The following RANBP2 variants were observed in gnomAD, a reference collection of about 807,000 sequenced individuals.
The protein encoded by RANBP2 is E3 SUMO-protein ligase RanBP2.
In RANBP2, 57 loss-of-function variants were observed where a neutral mutation model predicts 303.6. The ratio of observed to expected loss-of-function variants is 0.19; its 90% CI spans 0.15 to 0.23. The LOEUF (loss-of-function observed/expected upper bound fraction) is 0.23. Ranked by LOEUF, RANBP2 falls within the 10% of genes least tolerant of loss-of-function variation. RANBP2 has a pLI of 1.00. For missense variants in RANBP2, 3,138 were observed against 3,780.8 expected (o/e 0.83, Z 4.46); for synonymous variants, 1,167 against 1,301.5 (o/e 0.90, Z 2.23).
chr2:109,264,048 C>T, the RANBP2 span, among the ~76,000 whole-genome samples: 4 of 152,226 alleles, frequency 2.6e-5, no homozygotes, highest in African/African-American at 7.2e-5. Context: ...GTTTGCAAAA[C>T]CATCTGGGCT....
the RANBP2 span, among the ~76,000 whole-genome samples, chr2:109,295,655 AG>A: frequency 6.6e-6 from 1 of 152,154 alleles, no homozygotes; most frequent in Non-Finnish European, 1.5e-5. Flanking sequence ...CCCACAGGAC[AG>A]GGGCCTGCTG....
At chr2:109,705,335 A>G in the RANBP2 span, among the ~76,000 whole-genome samples, 2 of 151,980 alleles carry the variant, frequency 1.3e-5, no homozygotes, top group Non-Finnish European at 2.9e-5. Flanking sequence ...GAACCCGGGA[A>G]GTGGAGATTT....
the RANBP2 span, among the ~76,000 whole-genome samples, chr2:109,238,200 T>TA: frequency 1.5e-4 from 22 of 151,280 alleles, no homozygotes; most frequent in Admixed American, 2.6e-4. Flanking sequence ...GCCTGTCTCT[T>TA]AAAAAAAAAT....
At chr2:108,853,742 T>TC in the RANBP2 span, among the ~76,000 whole-genome samples, 18 of 147,424 alleles carry the variant, frequency 1.2e-4, no homozygotes, top group South Asian at 1.9e-3. Flanking sequence ...CCCAAGCTGG[T>TC]CTCAAACTCC....
At chr2:109,447,184 A>AC in the RANBP2 span, among the ~76,000 whole-genome samples, 1 of 151,590 alleles carries the variant, frequency 6.6e-6, no homozygotes, top group Admixed American at 6.6e-5. Context: ...GAAAAAGAAA[A>AC]AGAAAACAGA....
chr2:108,930,051 G>A, the RANBP2 span: 1 of 1,546,684 alleles, frequency 6.5e-7, no homozygotes, highest in Non-Finnish European at 8.8e-7. Context: ...GCAGGCTCAG[G>A]GCAACAATGC....
chr2:109,526,022 G>A, the RANBP2 span, among the ~76,000 whole-genome samples: 16 of 152,166 alleles, frequency 1.1e-4, no homozygotes, highest in African/African-American at 3.6e-4. Flanking sequence ...GGAGCTGCTC[G>A]CAATCCCGAG....
chr2:109,692,347 G>C, the RANBP2 span, among the ~76,000 whole-genome samples: 1 of 152,132 alleles, frequency 6.6e-6, no homozygotes, highest in African/African-American at 2.4e-5. Flanking sequence ...TCTCCTTGGG[G>C]TAATAAAGTG....
chr2:109,312,940 G>A, the RANBP2 span, among the ~76,000 whole-genome samples: 1 of 152,136 alleles, frequency 6.6e-6, no homozygotes, highest in Non-Finnish European at 1.5e-5. Flanking sequence ...TTGAAGAGCC[G>A]CCCTATGTTT....
the RANBP2 span, among the ~76,000 whole-genome samples, chr2:109,433,199 T>C: frequency 6.6e-6 from 1 of 152,208 alleles, no homozygotes; most frequent in South Asian, 2.1e-4. Context: ...TGTATGCATG[T>C]GTGTGCAGTG....
the RANBP2 span, among the ~76,000 whole-genome samples, chr2:109,044,151 C>A: frequency 6.6e-6 from 1 of 152,000 alleles, no homozygotes; most frequent in African/African-American, 2.4e-5. Flanking sequence ...TTATTCTATC[C>A]CTAAATAAAT....
At chr2:108,924,657 C>G in the RANBP2 span, among the ~76,000 whole-genome samples, 1 of 152,280 alleles carries the variant, frequency 6.6e-6, no homozygotes, top group South Asian at 2.1e-4. Flanking sequence ...GGACTGTTAC[C>G]AGTAATGTTA....
At chr2:109,135,557 T>C in the RANBP2 span, among the ~76,000 whole-genome samples, 2 of 152,248 alleles carry the variant, frequency 1.3e-5, no homozygotes, top group Non-Finnish European at 2.9e-5. Flanking sequence ...AAGTCTCTTA[T>C]CACGCGTGAG....
chr2:109,054,218 C>A, the RANBP2 span, among the ~76,000 whole-genome samples: 958 of 152,206 alleles, frequency 6.3e-3, 11 homozygotes, highest in African/African-American at 0.022. Context: ...TCCCTGGAGC[C>A]CCTGCTTTTC....
the RANBP2 span, among the ~76,000 whole-genome samples, chr2:108,928,580 G>A: frequency 6.6e-6 from 1 of 152,190 alleles, no homozygotes; most frequent in Non-Finnish European, 1.5e-5. Flanking sequence ...ATGATGTGTT[G>A]TGGCCACTAG....
intron 13 of RANBP2, 61 bp downstream of exon 13, chr2:108,753,220 A>G (rs1291150334): frequency 1.6e-5 from 25 of 1,610,804 alleles, no homozygotes; most frequent in South Asian, 1.1e-5. Flanking sequence ...AAACAAAGAC[A>G]TAGAGCTATA....
chr2:109,422,167 G>A, the RANBP2 span, among the ~76,000 whole-genome samples: 3 of 152,180 alleles, frequency 2.0e-5, no homozygotes, highest in African/African-American at 7.2e-5. Context: ...TTGAACATGA[G>A]ATGTGCTGTC....
chr2:109,276,378 T>C, the RANBP2 span, among the ~76,000 whole-genome samples: 1 of 152,210 alleles, frequency 6.6e-6, no homozygotes, highest in Non-Finnish European at 1.5e-5. Context: ...ATGTAGCAGC[T>C]GTCACTGGGT....
the RANBP2 span, among the ~76,000 whole-genome samples, chr2:109,342,178 C>A: frequency 6.6e-6 from 1 of 152,210 alleles, no homozygotes; most frequent in Non-Finnish European, 1.5e-5. Context: ...TGGAATGCCC[C>A]ACTTCTCATC....
Sources: gnomAD v4.1 joint callset for allele counts (sites outside exome capture counted in the v4.1 genomes callset) on GRCh38, gnomAD v4.1.1 for gene constraint, MANE v1.5 for transcripts, NCBI Gene and HGNC (gene_info 2026-07-23, HGNC 2026-07-21) for gene names.